The following CFAP20DC variants were observed in gnomAD, a reference collection of about 807,000 sequenced individuals.
CFAP20DC encodes the protein protein CFAP20DC.
CFAP20DC carries 84 observed loss-of-function variants against 101.7 expected under a neutral mutation model. The observed-to-expected ratio is 0.83, with a 90% CI of 0.69 to 0.99. CFAP20DC has a LOEUF of 0.99. CFAP20DC is among the 50% of genes least tolerant of loss of function. CFAP20DC has a pLI of 0.00. For synonymous variants in CFAP20DC, 359 were observed against 351.2 expected, an observed-to-expected ratio of 1.02 and a Z score of -0.25; for missense variants, 1,007 against 970.3, an observed-to-expected ratio of 1.04 and a Z score of -0.50.
At chr3:58,743,542 A>AAACCC (rs1472973091) in intron 16 of CFAP20DC, among the ~76,000 whole-genome samples, 2 of 152,178 alleles carry the variant, frequency 1.3e-5, no homozygotes, top group African/African-American at 2.4e-5. Flanking sequence ...ACCAAACCCC[A>AAACCC]AACCCAACCC....
At chr3:59,028,260 T>C (rs1266810960) in intron 4 of CFAP20DC, among the ~76,000 whole-genome samples, 1 of 152,226 alleles carries the variant, frequency 6.6e-6, no homozygotes, top group Non-Finnish European at 1.5e-5. Context: ...AAGTTGTTTC[T>C]TAGTTTTCAT....
chr3:58,795,554 G>C lies in CFAP20DC; in HGVS notation c.2237+10841C>G, dbSNP rs2073179264. The stretch of plus-strand genomic sequence containing the variant: ...GTGGGAGAGTTACCTGAGCCCGGGA[G>C]GCCGAGGCTGCAATGAGCCATGATT... On this transcript the variant is annotated intron_variant, in intron 15 of 16. Transcript: ENST00000482387. This position sits in a 1 kb window ranked among gnomAD's most constrained non-coding sequence, Gnocchi z 4.2. Among the ~76,000 whole-genome samples, 1 of 152,238 alleles carries C rather than the reference G, an allele frequency of 6.6e-6. No homozygotes were observed. The highest frequency in any genetic ancestry group is 1.9e-4 in the East Asian group (1 of 5,190).
At chr3:58,827,746 G>A (rs959592287) in intron 14 of CFAP20DC, among the ~76,000 whole-genome samples, 7 of 152,294 alleles carry the variant, frequency 4.6e-5, no homozygotes, top group African/African-American at 1.7e-4. Flanking sequence ...GAGTTACAGT[G>A]AGCCGTTTAC....
At chr3:58,843,364 A>C (rs1347469080) in intron 13 of CFAP20DC, among the ~76,000 whole-genome samples, 2 of 152,290 alleles carry the variant, frequency 1.3e-5, no homozygotes, top group East Asian at 3.9e-4. Flanking sequence ...TACGTGAAGA[A>C]TGCAGAAGCC....
At chr3:58,849,006 C>T in intron 13 of CFAP20DC, 26 bp downstream of exon 13, 1 of 1,528,894 alleles carries the variant, frequency 6.5e-7, no homozygotes. Flanking sequence ...TTGCCGGCAT[C>T]TGTAAACCAC....
At chr3:58,841,708 G>A (rs1180189737) in intron 13 of CFAP20DC, among the ~76,000 whole-genome samples, 2 of 152,082 alleles carry the variant, frequency 1.3e-5, no homozygotes, top group East Asian at 3.9e-4. Context: ...AAAGTTATAT[G>A]GCTCATTTTA....
intron 4 of CFAP20DC, among the ~76,000 whole-genome samples, chr3:58,945,093 A>G (rs2107911409): frequency 6.6e-6 from 1 of 152,318 alleles, no homozygotes; most frequent in East Asian, 1.9e-4. Context: ...CATAAACCCT[A>G]CAAGATATCT....
intron 13 of CFAP20DC, among the ~76,000 whole-genome samples, chr3:58,838,546 C>G (rs1289255280): frequency 6.6e-6 from 1 of 152,086 alleles, no homozygotes; most frequent in Non-Finnish European, 1.5e-5. Context: ...CTTTCCATCT[C>G]ACATATGTGT....
chr3:58,992,450 G>GTACATAGTGACATA, intron 4 of CFAP20DC: 1 of 490,494 alleles, frequency 2.0e-6, no homozygotes, highest in South Asian at 8.8e-5. Context: ...TGTACAGTCA[G>GTACATAGTGACATA]TTGAATGACA....
At chr3:58,802,318 T>C (rs1435679151) in intron 15 of CFAP20DC, among the ~76,000 whole-genome samples, 1 of 152,234 alleles carries the variant, frequency 6.6e-6, no homozygotes, top group Non-Finnish European at 1.5e-5. Context: ...AGCATGCAAG[T>C]GTACATGTTA....
chr3:58,915,992 AT>A (rs1446868092), intron 5 of CFAP20DC, among the ~76,000 whole-genome samples: 1 of 151,470 alleles, frequency 6.6e-6, no homozygotes, highest in African/African-American at 2.4e-5. Context: ...ATTTGCTCTC[AT>A]TTTTTCCCTC....
rs990518961 is a variant in CFAP20DC, at chr3:58,989,130, C to T, written c.278+50427G>A. Among the ~76,000 whole-genome samples the T allele has an allele frequency of 5.3e-5, 8 of 151,900 alleles. No homozygotes were observed. In the East Asian group the frequency reaches 1.2e-3, roughly 22 times the overall value. On this transcript the variant is annotated intron_variant, in intron 4 of 16. Coordinates refer to ENST00000482387, the MANE Select transcript of CFAP20DC (RefSeq NM_001394063.1). ...TTCATCACTGAAATCAATCAAAATC[C>T]GAAATTTCCACTGTGCCTTTTTTTC... is the stretch of plus-strand genomic sequence containing the variant.
At chr3:58,981,029 T>C (rs1301661357) in intron 4 of CFAP20DC, among the ~76,000 whole-genome samples, 1 of 152,136 alleles carries the variant, frequency 6.6e-6, no homozygotes, top group African/African-American at 2.4e-5. Flanking sequence ...AAAATCAATG[T>C]GCAAAAATCA....
In CFAP20DC at chr3:58,870,176, G is replaced by A. The variant is rs13324082; in HGVS notation, c.849C>T (p.Ser283=). 8.1e-6 allele frequency: 13 copies of A among 1,608,188 alleles called. No homozygotes were observed. The highest frequency in any genetic ancestry group is 1.7e-4 in the Middle Eastern group (1 of 6,026). The change falls in exon 8 of 17, where the codon AGC becomes AGT. Residue 283 remains serine, a synonymous_variant. Coordinates refer to ENST00000482387, the MANE Select transcript of CFAP20DC (RefSeq NM_001394063.1). ...SGRRNNMKIS[S]ETVRSVGSKN... is the part of the protein sequence containing the mutation. ...GCTCTCCAAACCTTGCTCCTACCTC[G>A]CTGGATATCTTCATGTTATTCCTTC...
chr3:58,900,927 C>G (rs1027688050), intron 6 of CFAP20DC, among the ~76,000 whole-genome samples: 3 of 152,166 alleles, frequency 2.0e-5, no homozygotes, highest in African/African-American at 7.2e-5. Context: ...ATATGTAAAG[C>G]ACTTTATGTA....
chr3:59,021,210 C>A (rs1214028652), intron 4 of CFAP20DC, among the ~76,000 whole-genome samples: 1 of 152,048 alleles, frequency 6.6e-6, no homozygotes, highest in Non-Finnish European at 1.5e-5. Flanking sequence ...AATGACTGCA[C>A]AGTGCATCTA....
At chr3:59,031,052 G>A (rs1196817403) in intron 4 of CFAP20DC, among the ~76,000 whole-genome samples, 1 of 151,708 alleles carries the variant, frequency 6.6e-6, no homozygotes, top group African/African-American at 2.4e-5. Context: ...TCGATCTCCT[G>A]ACCTCGTGAT....
At chr3:58,783,073 A>G (rs887096225) in intron 15 of CFAP20DC, among the ~76,000 whole-genome samples, 7 of 152,142 alleles carry the variant, frequency 4.6e-5, no homozygotes, top group Non-Finnish European at 8.8e-5. Flanking sequence ...ATTGGTATAA[A>G]AAGAGACATA....
In CFAP20DC at chr3:58,888,503, T is replaced by A. The variant is rs1159141851; in HGVS notation, c.551-3794A>T. On this transcript the variant is annotated intron_variant, in intron 6 of 16. Coordinates refer to ENST00000482387, the MANE Select transcript of CFAP20DC (RefSeq NM_001394063.1). ...CCAAGGTGGCTCGCTGCACAGACCA[T>A]CCCATCACCCAGGTATTAAGCCCAG... Among the ~76,000 whole-genome samples, 3 of 152,150 alleles carry A rather than the reference T, an allele frequency of 2.0e-5. No individual in the cohort carries two copies. The East Asian group carries it at 5.8e-4, about 29-fold the overall frequency.
Sources: allele counts gnomAD v4.1 joint callset (sites outside exome capture counted in the v4.1 genomes callset), GRCh38; gene constraint gnomAD v4.1.1; non-coding constraint Gnocchi (gnomAD v3.1); transcripts MANE v1.5; gene names NCBI Gene and HGNC (gene_info 2026-07-23, HGNC 2026-07-21).